The following GOLGA1 variants were observed in gnomAD, a reference collection of about 807,000 sequenced individuals.
The protein encoded by GOLGA1 is golgin subfamily A member 1.
GOLGA1 carries 63 observed loss-of-function variants against 119.7 expected under a neutral mutation model. That is an observed-to-expected ratio of 0.53 (90% CI 0.43 to 0.65). The LOEUF is 0.65. Ranked by LOEUF, GOLGA1 falls within the 30% of genes least tolerant of loss-of-function variation. GOLGA1 has a pLI of 0.00. For synonymous variants in GOLGA1, 318 were observed against 333.4 expected (o/e 0.95, Z 0.50); for missense variants, 798 against 912.8 (o/e 0.87, Z 1.62).
chr9:124,913,536 C>T (rs1294474731), intron 10 of GOLGA1, among the ~76,000 whole-genome samples: 1 of 152,194 alleles, frequency 6.6e-6, no homozygotes, highest in East Asian at 1.9e-4. Flanking sequence ...GGATAAGATG[C>T]AGCAACCAGG....
chr9:124,880,578 C>A lies in GOLGA1; in HGVS notation c.2256G>T (p.Lys752Asn). The A allele has an allele frequency of 6.2e-7, 1 of 1,611,500 alleles. No homozygotes were observed. Among genetic ancestry groups the A allele is most frequent in the South Asian group, 1.1e-5 (1 of 91,010 alleles). ...TTGAGATAGACGGCCGGATGCTGCC[C>A]TTGGGAGCTGGTTTGGACCCAAACC... ...MSWFGSKPAP[K>N]GSIRPSISNP... is the part of the protein sequence containing the mutation. Residue 752 changes from lysine to asparagine, a missense_variant, in exon 23 of 23, where the codon AAG (lysine) becomes AAT (asparagine). Lys to Asn is a moderately conservative substitution (Grantham distance 94, BLOSUM62 0). Transcript: ENST00000373555.
chr9:124,923,151 C>A lies in GOLGA1; in HGVS notation c.505G>T (p.Glu169Ter), dbSNP rs781619832. The A allele has an allele frequency of 6.2e-7, 1 of 1,604,860 alleles. No individual in the cohort carries two copies. Among genetic ancestry groups the A allele is most frequent in the African/African-American group, 1.3e-5 (1 of 74,840 alleles). ...QSMNLFQRRD[E>*]MDELEGFQQQ... ...TGGAACCCCTCTAATTCATCCATTTCATCTCTCCTTTGGAAAAGATTCATA... is the reference window on the plus strand; with the variant it reads ...TGGAACCCCTCTAATTCATCCATTTAATCTCTCCTTTGGAAAAGATTCATA... Residue 169 changes from glutamate to a stop codon, truncating the protein, a stop_gained, in exon 8 of 23, where the codon GAA (glutamate) becomes TAA (stop). Coordinates refer to ENST00000373555, the MANE Select transcript of GOLGA1 (RefSeq NM_002077.4). LOFTEE classifies it high-confidence loss of function.
At chr9:124,904,372 G>A (rs556901568) in intron 12 of GOLGA1, among the ~76,000 whole-genome samples, 4 of 152,196 alleles carry the variant, frequency 2.6e-5, no homozygotes, top group East Asian at 3.9e-4. Flanking sequence ...ATGGTTGTAC[G>A]ACAATGTACA....
chr9:124,932,471 C>T (rs749285127), intron 3 of GOLGA1, among the ~76,000 whole-genome samples: 13 of 152,190 alleles, frequency 8.5e-5, no homozygotes, highest in South Asian at 2.1e-4. Flanking sequence ...TTACCACTTA[C>T]GAGCTGTAAG....
At chr9:124,909,250 TG>T (rs765719683) in intron 11 of GOLGA1, among the ~76,000 whole-genome samples, 52 of 150,502 alleles carry the variant, frequency 3.5e-4, no homozygotes, top group Non-Finnish European at 6.9e-4. Flanking sequence ...GAAGCGGAGT[TG>T]CAGTGAGCAG....
intron 15 of GOLGA1, among the ~76,000 whole-genome samples, chr9:124,894,778 G>A (rs1829926766): frequency 6.6e-6 from 1 of 152,184 alleles, no homozygotes; most frequent in Non-Finnish European, 1.5e-5. Flanking sequence ...AGACACTGTG[G>A]TTGTCCTAAG....
In GOLGA1 at chr9:124,880,496, C is replaced by A; in HGVS notation, c.*34G>T. 8.2e-7 allele frequency: 1 copy of A among 1,218,822 alleles called. No homozygotes were observed. The highest frequency in any genetic ancestry group is 1.2e-5 in the South Asian group (1 of 83,096). 75.5% of individuals were successfully genotyped at this position (1,218,822 alleles called of 1,614,324 possible). Reference sequence around the variant, plus strand: ...AGTGTTCTTTTCACAGAAAAAGTGTCAACCCACGGAGCTCCATCCTTGGGT... The same window carrying A: ...AGTGTTCTTTTCACAGAAAAAGTGTAAACCCACGGAGCTCCATCCTTGGGT... On this transcript the variant is annotated 3_prime_UTR_variant, in exon 23 of 23. Coordinates refer to ENST00000373555, the MANE Select transcript of GOLGA1 (RefSeq NM_002077.4).
At chr9:124,885,124 C>T (rs1010249757) in intron 19 of GOLGA1, among the ~76,000 whole-genome samples, 3 of 152,146 alleles carry the variant, frequency 2.0e-5, no homozygotes, top group African/African-American at 7.2e-5. Flanking sequence ...GTCAAGAGAT[C>T]GAGACCATCC....
At chr9:124,887,704 G>C (rs931373165) in intron 19 of GOLGA1, among the ~76,000 whole-genome samples, 4 of 152,090 alleles carry the variant, frequency 2.6e-5, no homozygotes, top group African/African-American at 9.7e-5. Flanking sequence ...AGCTTCACAG[G>C]ACACTTTAAG....
chr9:124,891,012 C>T (rs570263832), intron 15 of GOLGA1, among the ~76,000 whole-genome samples: 8 of 152,098 alleles, frequency 5.3e-5, no homozygotes, highest in African/African-American at 1.2e-4. Flanking sequence ...AAAAATTAGC[C>T]GAGCATGGTG....
At chr9:124,930,558 T>A (rs142808924) in intron 4 of GOLGA1, among the ~76,000 whole-genome samples, 1 of 152,224 alleles carries the variant, frequency 6.6e-6, no homozygotes, top group Admixed American at 6.5e-5. Flanking sequence ...TTGGGTCTGA[T>A]AGCTACACAA....
chr9:124,921,002 A>G (rs1830558646), intron 10 of GOLGA1, 127 bp downstream of exon 10: 1 of 660,912 alleles, frequency 1.5e-6, no homozygotes, highest in Admixed American at 2.4e-5. Flanking sequence ...TGGCTAGTAC[A>G]GGAAATGGAG....
intron 15 of GOLGA1, among the ~76,000 whole-genome samples, chr9:124,897,368 G>A (rs577263739): frequency 3.6e-4 from 55 of 151,940 alleles, no homozygotes; most frequent in African/African-American, 1.1e-3. Flanking sequence ...TTTTTGGGAC[G>A]GAGTCTCACT....
intron 3 of GOLGA1, among the ~76,000 whole-genome samples, chr9:124,936,487 C>T (rs1340533980): frequency 6.6e-6 from 1 of 151,984 alleles, no homozygotes; most frequent in African/African-American, 2.4e-5. Flanking sequence ...GTTGCCTAAG[C>T]TGGAGTACAG....
rs937183353 is a variant in GOLGA1, at chr9:124,878,283, G to C, written c.*2247C>G. ...TTCTCTAGCCCTTGAGGTTGGCCTT[G>C]GAGTGTTAAATATGAGACACAAAAT... On this transcript the variant is annotated 3_prime_UTR_variant, in exon 23 of 23. Coordinates refer to ENST00000373555, the MANE Select transcript of GOLGA1 (RefSeq NM_002077.4). The C allele has an allele frequency of 6.6e-6, 1 of 152,158 alleles. No homozygotes were observed. Among genetic ancestry groups the C allele is most frequent in the Non-Finnish European group, 1.5e-5 (1 of 68,024 alleles). 9.4% of individuals were successfully genotyped at this position (152,158 alleles called of 1,614,324 possible).
chr9:124,889,078 G>A, intron 18 of GOLGA1, 65 bp downstream of exon 18: 2 of 1,324,904 alleles, frequency 1.5e-6, no homozygotes, highest in Non-Finnish European at 1.1e-6. Flanking sequence ...TGCCTCCTTA[G>A]GGGCACTCTC....
rs1038687185 is a variant in GOLGA1 at position 124,939,592 on chromosome 9, C to T, written c.-156+514G>A. 1.9e-3 allele frequency among the ~76,000 whole-genome samples: 148 copies of T among 78,514 alleles called. 1 individual carries two copies. The highest frequency in any genetic ancestry group is 6.9e-3 in the African/African-American group (143 of 20,858). 51.5% of individuals were successfully genotyped at this position (78,514 alleles called of 152,430 possible). ...TTTTTTTTTTTTTGAGATGGAGTTT[C>T]GCTCTTGTTGCCTAAGCTGGAATGC... On this transcript the variant is annotated intron_variant, in intron 2 of 22. Coordinates refer to ENST00000373555, the MANE Select transcript of GOLGA1 (RefSeq NM_002077.4).
In GOLGA1 at chr9:124,889,417, A is replaced by T. The variant is rs760274864; in HGVS notation, c.1600+17T>A. On this transcript the variant is annotated intron_variant, in intron 17 of 22. Coordinates refer to ENST00000373555, the MANE Select transcript of GOLGA1 (RefSeq NM_002077.4). ...CCTGAAAAGGAGAGAAGGCTCAGCC[A>T]GGGACCGACTCCTCACCTCGCTCCA... The T allele has an allele frequency of 6.3e-7, 1 of 1,599,828 alleles. No individual in the cohort carries two copies. The highest frequency in any genetic ancestry group is 8.6e-7 in the Non-Finnish European group (1 of 1,166,820).
chr9:124,923,296 T>C, intron 7 of GOLGA1, 73 bp from the exon 8 acceptor site: 1 of 1,329,858 alleles, frequency 7.5e-7, no homozygotes, highest in Non-Finnish European at 1.0e-6. Context: ...GTGAAAATCT[T>C]TTCTTTTTTA....
Sources: allele counts gnomAD v4.1 joint callset (sites outside exome capture counted in the v4.1 genomes callset), GRCh38; gene constraint gnomAD v4.1.1; transcripts MANE v1.5; gene names NCBI Gene and HGNC (gene_info 2026-07-23, HGNC 2026-07-21).